The following SORCS2 variants were observed in gnomAD, a reference collection of about 807,000 sequenced individuals.
SORCS2 encodes the protein sortilin related VPS10 domain containing receptor 2.
In SORCS2, 100 loss-of-function variants were observed where a neutral mutation model predicts 141.6. That is an observed-to-expected ratio of 0.71 (90% CI 0.60 to 0.83). SORCS2 has a LOEUF of 0.83. SORCS2 is among the 40% of genes least tolerant of loss of function. The probability of loss-of-function intolerance (pLI) is 0.00; values close to 1 mark genes in which losing one functional copy is unlikely to be tolerated. For synonymous variants in SORCS2, 789 were observed against 676.9 expected (o/e 1.17, Z -2.57); for missense variants, 1,646 against 1,560.2 (o/e 1.05, Z -0.93).
intron 1 of SORCS2, among the ~76,000 whole-genome samples, chr4:7,308,444 T>G (rs1717973773): frequency 6.6e-6 from 1 of 152,088 alleles, no homozygotes; most frequent in Non-Finnish European, 1.5e-5. Flanking sequence ...GTATTTGGGG[T>G]GGACACCTGC....
chr4:7,379,646 C>T (rs1446440989), intron 1 of SORCS2, among the ~76,000 whole-genome samples: 1 of 152,182 alleles, frequency 6.6e-6, no homozygotes, highest in African/African-American at 2.4e-5. Flanking sequence ...GATGGGTAAC[C>T]TGCCCAAAGC....
intron 2 of SORCS2, among the ~76,000 whole-genome samples, chr4:7,519,200 C>A (rs1733172293): frequency 6.6e-6 from 1 of 152,132 alleles, no homozygotes; most frequent in South Asian, 2.1e-4. Context: ...GGGAGCATGA[C>A]CAGGGAGCTT....
chr4:7,616,648 C>A (rs1718783229), intron 3 of SORCS2, among the ~76,000 whole-genome samples: 1 of 152,234 alleles, frequency 6.6e-6, no homozygotes, highest in Non-Finnish European at 1.5e-5. Context: ...ATAAAGTGGC[C>A]TCAGCCCTGA....
At chr4:7,454,230 G>T (rs572865701) in intron 2 of SORCS2, among the ~76,000 whole-genome samples, 6 of 134,778 alleles carry the variant, frequency 4.5e-5, no homozygotes, top group African/African-American at 1.7e-4. Context: ...GTGTGTTGGG[G>T]TCAGGTGCTG....
At chr4:7,731,373 T>G (rs957911200) in intron 23 of SORCS2, among the ~76,000 whole-genome samples, 2 of 152,204 alleles carry the variant, frequency 1.3e-5, no homozygotes, top group African/African-American at 4.8e-5. Context: ...ATTTATATTA[T>G]TAAGATGTCC....
At chr4:7,284,364 T>A (rs1716076498) in intron 1 of SORCS2, among the ~76,000 whole-genome samples, 1 of 152,206 alleles carries the variant, frequency 6.6e-6, no homozygotes, top group African/African-American at 2.4e-5. Context: ...AGCCACTTTA[T>A]CAACCTCCCT....
In SORCS2 at chr4:7,258,082, G is replaced by A. The variant is rs988015026; in HGVS notation, c.480+64956G>A. ...CTTCCAGCAGGGGCGGAGTGCTTCC[G>A]CTGTGTCCCCTGCTGACTCCTTGGC... is the stretch of plus-strand genomic sequence containing the variant. On this transcript the variant is annotated intron_variant, in intron 1 of 26. Coordinates refer to ENST00000507866, the MANE Select transcript of SORCS2 (RefSeq NM_020777.3). Among the ~76,000 whole-genome samples the A allele has an allele frequency of 5.3e-5, 8 of 152,284 alleles. No individual in the cohort carries two copies. The South Asian group carries it at 6.2e-4, about 12-fold the overall frequency.
intron 9 of SORCS2, among the ~76,000 whole-genome samples, chr4:7,676,544 T>C (rs970585111): frequency 1.3e-5 from 2 of 152,126 alleles, no homozygotes; most frequent in Non-Finnish European, 2.9e-5. Context: ...TCAGCCTGAG[T>C]GTTCTCTGCC....
intron 1 of SORCS2, among the ~76,000 whole-genome samples, chr4:7,217,605 A>G (rs1728438113): frequency 6.6e-6 from 1 of 152,196 alleles, no homozygotes; most frequent in South Asian, 2.1e-4. Context: ...AGTGGAAGGC[A>G]GTTCCCCAGG....
chr4:7,433,898 T>C (rs1390040489), intron 2 of SORCS2: 1 of 1,613,720 alleles, frequency 6.2e-7, no homozygotes, highest in Non-Finnish European at 8.5e-7. Flanking sequence ...GAGGCAGGCA[T>C]TACCGAGCAC....
chr4:7,601,728 G>A (rs2108793468), intron 3 of SORCS2, among the ~76,000 whole-genome samples: 1 of 150,830 alleles, frequency 6.6e-6, no homozygotes, highest in South Asian at 2.1e-4. Context: ...AGGGGGATTT[G>A]GCAGGGTCAT....
chr4:7,362,212 A>G (rs540816834), intron 1 of SORCS2, among the ~76,000 whole-genome samples: 2 of 152,232 alleles, frequency 1.3e-5, no homozygotes, highest in Non-Finnish European at 2.9e-5. Context: ...CCAAATATCC[A>G]TAGCCGCCAG....
chr4:7,577,912 G>A (rs1367386293), intron 3 of SORCS2, among the ~76,000 whole-genome samples: 3 of 151,738 alleles, frequency 2.0e-5, no homozygotes, highest in African/African-American at 4.8e-5. Context: ...GCATACAGGC[G>A]AAGTCAGCTA....
intron 3 of SORCS2, among the ~76,000 whole-genome samples, chr4:7,547,078 A>G (rs1245198413): frequency 2.6e-5 from 4 of 152,026 alleles, no homozygotes; most frequent in Non-Finnish European, 5.9e-5. Context: ...AACACTGCAA[A>G]TCCACTCATC....
At chr4:7,316,638 T>TA (rs1167628519) in intron 1 of SORCS2, among the ~76,000 whole-genome samples, 72 of 152,352 alleles carry the variant, frequency 4.7e-4, no homozygotes, top group African/African-American at 1.6e-3. Context: ...TAGAAAATGT[T>TA]AACTCTTATT....
intron 1 of SORCS2, among the ~76,000 whole-genome samples, chr4:7,297,074 C>T (rs1717121061): frequency 6.9e-6 from 1 of 144,902 alleles, no homozygotes; most frequent in Admixed American, 7.3e-5. Context: ...TGACCTCTCT[C>T]CTCAGAGTGC....
chr4:7,740,371 A>G lies in SORCS2; in HGVS notation c.*107A>G, dbSNP rs1447715941. On this transcript the variant is annotated 3_prime_UTR_variant, in exon 27 of 27. Coordinates refer to ENST00000507866, the MANE Select transcript of SORCS2 (RefSeq NM_020777.3). Reference sequence around the variant, plus strand: ...AGACCTGCGGAAAGCCCCCTCCCTGAGTCGTCGCCACACCAGGCGACAGGC... The same window carrying G: ...AGACCTGCGGAAAGCCCCCTCCCTGGGTCGTCGCCACACCAGGCGACAGGC... 2.0e-6 allele frequency: 2 copies of G among 1,014,360 alleles called. No individual in the cohort carries two copies. The highest frequency in any genetic ancestry group is 4.0e-5 in the Admixed American group (2 of 49,580). The allele number at this position is 1,014,360 out of a possible 1,614,324, so 62.8% of individuals were successfully genotyped here. A position where few individuals can be genotyped will look rare whatever the true frequency, so the allele number is the denominator to read the frequency against.
chr4:7,525,091 ATCT>A (rs1490687420), intron 2 of SORCS2, among the ~76,000 whole-genome samples: 3 of 152,332 alleles, frequency 2.0e-5, no homozygotes, highest in East Asian at 3.9e-4. Flanking sequence ...CTTGCAATAA[ATCT>A]TCATCATTAG....
In SORCS2 at chr4:7,659,516, G is replaced by A. The variant is rs557147540; in HGVS notation, c.888-1984G>A. 1.1e-4 allele frequency among the ~76,000 whole-genome samples: 16 copies of A among 151,830 alleles called. No individual in the cohort carries two copies. The South Asian group carries it at 3.1e-3, about 29-fold the overall frequency. Reference sequence around the variant, plus strand: ...GAGCCAGGTGGTGAATGGATGGGTGGATGTCCCTCAAAGGCGAGGCTTTCA... The same window carrying A: ...GAGCCAGGTGGTGAATGGATGGGTGAATGTCCCTCAAAGGCGAGGCTTTCA... On this transcript the variant is annotated intron_variant, in intron 5 of 26. Transcript: ENST00000507866.
Sources: allele counts gnomAD v4.1 joint callset (sites outside exome capture counted in the v4.1 genomes callset), GRCh38; gene constraint gnomAD v4.1.1; transcripts MANE v1.5; gene names NCBI Gene and HGNC (gene_info 2026-07-23, HGNC 2026-07-21).